The following NMNAT2 variants were observed in gnomAD, a reference collection of about 807,000 sequenced individuals.
NMNAT2 encodes the protein nicotinamide/nicotinic acid mononucleotide adenylyltransferase 2.
NMNAT2 carries 11 observed loss-of-function variants against 41.6 expected under a neutral mutation model. That is an observed-to-expected ratio of 0.26 (90% CI 0.17 to 0.44). The LOEUF is 0.44. Among genes scored for constraint, NMNAT2 ranks in the 20% least tolerant of loss-of-function variants. The probability of loss-of-function intolerance (pLI) is 1.00; values close to 1 mark genes in which losing one functional copy is unlikely to be tolerated. For missense variants in NMNAT2, 288 were observed against 407.7 expected, an observed-to-expected ratio of 0.71 and a Z score of 2.53; for synonymous variants, 148 against 151.2, an observed-to-expected ratio of 0.98 and a Z score of 0.16.
chr1:183,407,842 G>T (rs1649003925), intron 1 of NMNAT2, among the ~76,000 whole-genome samples: 1 of 152,190 alleles, frequency 6.6e-6, no homozygotes, highest in Admixed American at 6.6e-5. Flanking sequence ...AAAGAAGGAG[G>T]TAGCTATGAA....
chr1:183,363,511 G>T (rs1663347189), intron 1 of NMNAT2, among the ~76,000 whole-genome samples: 1 of 151,794 alleles, frequency 6.6e-6, no homozygotes, highest in African/African-American at 2.4e-5. Flanking sequence ...AGTCTAAAAG[G>T]CAGGGCCCCC....
chr1:183,325,940 T>C (rs994885333), intron 1 of NMNAT2, among the ~76,000 whole-genome samples: 4 of 152,074 alleles, frequency 2.6e-5, no homozygotes, highest in Non-Finnish European at 5.9e-5. Context: ...CCCTGCCATG[T>C]CCCTGCCACG....
chr1:183,276,030 T>C (rs550498879), intron 8 of NMNAT2, among the ~76,000 whole-genome samples: 1 of 152,276 alleles, frequency 6.6e-6, no homozygotes, highest in South Asian at 2.1e-4. Flanking sequence ...GGTCACCTGA[T>C]CTTGCTATTG....
At chr1:183,312,111 C>T (rs1333857306) in intron 1 of NMNAT2, among the ~76,000 whole-genome samples, 2 of 152,132 alleles carry the variant, frequency 1.3e-5, no homozygotes, top group East Asian at 3.8e-4. Context: ...TGCCCAGTCT[C>T]AGTTATGTCT....
In NMNAT2 at chr1:183,284,058, AG is replaced by A; in HGVS notation, c.530-20del. The A allele has an allele frequency of 6.5e-7, 1 of 1,549,172 alleles. No homozygotes were observed. The highest frequency in any genetic ancestry group is 1.1e-5 in the South Asian group (1 of 90,220). ...TTCTCATCTAAGGAGGAAAGAAGGA[AG>A]GTAGGGCATTAGGGAACAGGCTTCC... On this transcript the variant is annotated intron_variant, in intron 6 of 10. Coordinates refer to ENST00000287713, the MANE Select transcript of NMNAT2 (RefSeq NM_015039.4).
At chr1:183,322,993 G>A (rs564589810) in intron 1 of NMNAT2, among the ~76,000 whole-genome samples, 15 of 152,162 alleles carry the variant, frequency 9.9e-5, no homozygotes, top group Middle Eastern at 3.4e-3. Flanking sequence ...GTGCAGTGGC[G>A]CGATTTCGGC....
At chr1:183,263,562 T>C (rs1660720245) in intron 8 of NMNAT2, among the ~76,000 whole-genome samples, 1 of 152,206 alleles carries the variant, frequency 6.6e-6, no homozygotes, top group Non-Finnish European at 1.5e-5. Context: ...CTCACACCTG[T>C]AATCCCAGCA....
chr1:183,336,156 G>A (rs2102341854), intron 1 of NMNAT2, among the ~76,000 whole-genome samples: 1 of 152,336 alleles, frequency 6.6e-6, no homozygotes, highest in East Asian at 1.9e-4. Flanking sequence ...TAGCACTGTA[G>A]TGTTACTAGA....
intron 10 of NMNAT2, among the ~76,000 whole-genome samples, chr1:183,258,637 C>T (rs868684382): frequency 1.3e-5 from 2 of 152,180 alleles, no homozygotes; most frequent in Admixed American, 6.5e-5. Flanking sequence ...TTAGAAATTA[C>T]GGTTTAGGAG....
intron 1 of NMNAT2, among the ~76,000 whole-genome samples, chr1:183,298,194 A>G (rs1661753619): frequency 6.6e-6 from 1 of 152,220 alleles, no homozygotes; most frequent in South Asian, 2.1e-4. Flanking sequence ...GTTCTAGTGC[A>G]CACCATAAGG....
intron 8 of NMNAT2, among the ~76,000 whole-genome samples, chr1:183,278,265 C>G (rs1172094963): frequency 6.6e-6 from 1 of 152,164 alleles, no homozygotes; most frequent in Non-Finnish European, 1.5e-5. Flanking sequence ...CTTCCTTCTC[C>G]CCATCGGCAA....
Position 183,418,300 on chromosome 1 carries a change from G to A in NMNAT2, c.-33C>T. 2.5e-6 allele frequency: 4 copies of A among 1,599,570 alleles called. No individual in the cohort carries two copies. Among genetic ancestry groups the A allele is most frequent in the African/African-American group, 1.3e-5 (1 of 74,634 alleles). Reference sequence around the variant, plus strand: ...ATGGGTCCTTCGCGGTGGTCTAGGGGTTGCCTCTCTTTTTGTGTCTCGTTG... The same window carrying A: ...ATGGGTCCTTCGCGGTGGTCTAGGGATTGCCTCTCTTTTTGTGTCTCGTTG... On this transcript the variant is annotated 5_prime_UTR_variant, in exon 1 of 11. Transcript: ENST00000287713.
intron 1 of NMNAT2, among the ~76,000 whole-genome samples, chr1:183,344,149 A>G (rs1662876668): frequency 6.6e-6 from 1 of 152,212 alleles, no homozygotes; most frequent in African/African-American, 2.4e-5. Flanking sequence ...CATCATCATT[A>G]TACTCATCAT....
chr1:183,254,215 G>C (rs904377363), intron 10 of NMNAT2, among the ~76,000 whole-genome samples: 2 of 152,074 alleles, frequency 1.3e-5, no homozygotes, highest in Admixed American at 6.6e-5. Context: ...CAGTGTACAA[G>C]GGTTCCCTTT....
In NMNAT2 at chr1:183,407,948, T is replaced by C. The variant is rs1250676859; in HGVS notation, c.85+10235A>G. ...GCCAGAGTTGTGAATCAATGTCCACTGTAAACCAAACACCAGAAAATCATC... is the reference window on the plus strand; with the variant it reads ...GCCAGAGTTGTGAATCAATGTCCACCGTAAACCAAACACCAGAAAATCATC... On this transcript the variant is annotated intron_variant, in intron 1 of 10. Transcript: ENST00000287713. Among the ~76,000 whole-genome samples the C allele has an allele frequency of 3.3e-5, 5 of 152,360 alleles. No homozygotes were observed. The South Asian group carries it at 8.3e-4, about 25-fold the overall frequency.
chr1:183,299,083 A>G (rs1003723387), intron 1 of NMNAT2, among the ~76,000 whole-genome samples: 4 of 152,164 alleles, frequency 2.6e-5, no homozygotes, highest in Non-Finnish European at 4.4e-5. Flanking sequence ...ATAAAAAGGA[A>G]CAAATTGGCT....
intron 10 of NMNAT2, among the ~76,000 whole-genome samples, chr1:183,254,936 T>C (rs1660480094): frequency 6.6e-6 from 1 of 152,240 alleles, no homozygotes; most frequent in South Asian, 2.1e-4. Context: ...CATTTATTTA[T>C]TTATTTGCTT....
intron 1 of NMNAT2, among the ~76,000 whole-genome samples, chr1:183,353,995 G>A (rs1025633139): frequency 6.6e-6 from 1 of 152,132 alleles, no homozygotes; most frequent in Admixed American, 6.5e-5. Flanking sequence ...AGTTCACTAA[G>A]GATGGCAATG....
At chr1:183,339,695 G>T (rs566101612) in intron 1 of NMNAT2, among the ~76,000 whole-genome samples, 12 of 152,292 alleles carry the variant, frequency 7.9e-5, no homozygotes, top group African/African-American at 2.6e-4. Context: ...CAGCATTGAC[G>T]TGGCTTATCT....
Sources: gnomAD v4.1 joint callset for allele counts (sites outside exome capture counted in the v4.1 genomes callset) on GRCh38, gnomAD v4.1.1 for gene constraint, MANE v1.5 for transcripts, NCBI Gene and HGNC (gene_info 2026-07-23, HGNC 2026-07-21) for gene names.